CDH13: variants seen among roughly 807,000 people sequenced by gnomAD.
CDH13 encodes the protein cadherin 13.
A neutral mutation model predicts 63.8 loss-of-function variants in CDH13; 24 were observed. That is an observed-to-expected ratio of 0.38 (90% CI 0.27 to 0.53). CDH13 has a LOEUF of 0.53. Ranked by LOEUF, CDH13 falls within the 20% of genes least tolerant of loss-of-function variation. CDH13 has a pLI of 0.85. For synonymous variants in CDH13, 503 were observed against 355.3 expected, an observed-to-expected ratio of 1.42 and a Z score of -4.67; for missense variants, 1,049 against 903.1, an observed-to-expected ratio of 1.16 and a Z score of -2.07.
At chr16:83,487,498 C>T (rs568783319) in intron 7 of CDH13, among the ~76,000 whole-genome samples, 8 of 152,258 alleles carry the variant, frequency 5.3e-5, no homozygotes, top group African/African-American at 1.7e-4. Context: ...GCATGGGCCC[C>T]TCTGGTCCTG....
intron 2 of CDH13, among the ~76,000 whole-genome samples, chr16:82,974,140 C>T (rs573484068): frequency 5.3e-5 from 8 of 152,232 alleles, no homozygotes; most frequent in South Asian, 2.1e-4. Flanking sequence ...GGTTTCAGCA[C>T]GTTGGCCAGG....
At chr16:83,105,806 G>T (rs542965506) in intron 3 of CDH13, among the ~76,000 whole-genome samples, 1 of 152,316 alleles carries the variant, frequency 6.6e-6, no homozygotes, top group African/African-American at 2.4e-5. Context: ...TGTCATGTGT[G>T]TGTATGTCTG....
chr16:82,992,404 T>TA (rs1296615672), intron 2 of CDH13, among the ~76,000 whole-genome samples: 2 of 152,196 alleles, frequency 1.3e-5, no homozygotes, highest in Non-Finnish European at 2.9e-5. Flanking sequence ...TGTGTATATA[T>TA]AAAAAATATC....
intron 7 of CDH13, among the ~76,000 whole-genome samples, chr16:83,575,909 T>C (rs1905056035): frequency 6.6e-6 from 1 of 152,228 alleles, no homozygotes. Flanking sequence ...TAGTACTCTT[T>C]ATTGTATTTT....
At chr16:83,301,808 A>G (rs1432215244) in intron 5 of CDH13, among the ~76,000 whole-genome samples, 2 of 151,906 alleles carry the variant, frequency 1.3e-5, no homozygotes, top group African/African-American at 2.4e-5. Context: ...TTTGGCAGAC[A>G]CAGAGTCACC....
chr16:83,602,082 C>CAAAAAAAAA (rs576973198), intron 7 of CDH13, among the ~76,000 whole-genome samples: 2 of 32,292 alleles, frequency 6.2e-5, no homozygotes, highest in Non-Finnish European at 9.7e-5. Flanking sequence ...GACTCTGTCT[C>CAAAAAAAAA]AAAAAAAAAA....
intron 8 of CDH13, among the ~76,000 whole-genome samples, chr16:83,637,356 A>G (rs1389992374): frequency 2.5e-5 from 2 of 81,176 alleles, no homozygotes; most frequent in Non-Finnish European, 4.6e-5. Context: ...CTGCATTTCC[A>G]TCTGAGGTAC....
chr16:83,518,648 T>C (rs1478282180), intron 7 of CDH13, among the ~76,000 whole-genome samples: 1 of 146,984 alleles, frequency 6.8e-6, no homozygotes, highest in Admixed American at 6.8e-5. Context: ...AATTTTTGTA[T>C]TTTTAGTAGA....
chr16:83,076,962 C>A (rs553696215), intron 3 of CDH13, among the ~76,000 whole-genome samples: 2 of 152,002 alleles, frequency 1.3e-5, no homozygotes, highest in African/African-American at 4.8e-5. Flanking sequence ...GCAACCCAAA[C>A]CCCCATCAAG....
At chr16:82,856,167 C>T (rs2039676432) in intron 1 of CDH13, among the ~76,000 whole-genome samples, 1 of 151,562 alleles carries the variant, frequency 6.6e-6, no homozygotes, top group African/African-American at 2.4e-5. Context: ...ACGAGGTCAG[C>T]AGATCGAGAC....
At position 83,154,898 on chromosome 16, in the gene CDH13, T is replaced by G. The variant is rs566321123; in HGVS notation, c.483+29397T>G. Among the ~76,000 whole-genome samples, 11 of 152,340 alleles carry G rather than the reference T, an allele frequency of 7.2e-5. No homozygotes were observed. The South Asian group carries it at 1.7e-3, about 23-fold the overall frequency. On this transcript the variant is annotated intron_variant, in intron 4 of 13. Transcript: ENST00000567109. ...TCTTTAAAAGCTCTCATATTCAAAG[T>G]GGTTCTTGCAATCTTGAACTACATG...
chr16:82,952,732 C>T (rs1905470421), intron 2 of CDH13, among the ~76,000 whole-genome samples: 1 of 152,196 alleles, frequency 6.6e-6, no homozygotes, highest in South Asian at 2.1e-4. Flanking sequence ...AGCCCACTGG[C>T]CCCTCCAGGT....
chr16:83,083,663 T>C (rs1391866257), intron 3 of CDH13, among the ~76,000 whole-genome samples: 1 of 152,190 alleles, frequency 6.6e-6, no homozygotes, highest in Non-Finnish European at 1.5e-5. Flanking sequence ...GCAGAGAAAC[T>C]CGATAGAACT....
At chr16:82,940,870 G>A (rs79177526) in intron 2 of CDH13, among the ~76,000 whole-genome samples, 11 of 152,196 alleles carry the variant, frequency 7.2e-5, no homozygotes, top group African/African-American at 2.4e-4. Flanking sequence ...AGCTTTATTA[G>A]GGAAACATTT....
intron 4 of CDH13, among the ~76,000 whole-genome samples, chr16:83,210,449 G>C (rs755797638): frequency 7.2e-5 from 11 of 152,118 alleles, no homozygotes; most frequent in Admixed American, 3.9e-4. Context: ...ATTAGGACAG[G>C]AGATGGGATA....
At chr16:83,719,807 A>T (rs1411169656) in intron 10 of CDH13, among the ~76,000 whole-genome samples, 4 of 152,040 alleles carry the variant, frequency 2.6e-5, no homozygotes, top group Non-Finnish European at 5.9e-5. Context: ...ACACACAGCC[A>T]CTATGGAATA....
chr16:82,677,635 G>C (rs1914083661), intron 1 of CDH13, among the ~76,000 whole-genome samples: 1 of 152,092 alleles, frequency 6.6e-6, no homozygotes, highest in African/African-American at 2.4e-5. Context: ...AGAAGTATCA[G>C]AGGCAGGACT....
intron 5 of CDH13, among the ~76,000 whole-genome samples, chr16:83,303,140 C>T (rs538795399): frequency 2.3e-4 from 35 of 152,290 alleles, no homozygotes; most frequent in African/African-American, 8.4e-4. Context: ...AAGAGAATTT[C>T]CTATGTTCTT....
intron 6 of CDH13, among the ~76,000 whole-genome samples, chr16:83,433,929 A>G (rs538624052): frequency 5.9e-5 from 9 of 152,122 alleles, no homozygotes; most frequent in African/African-American, 2.2e-4. Flanking sequence ...GTTGGAAAGT[A>G]TTTCCTTTGC....
Sources: gnomAD v4.1 joint callset for allele counts (sites outside exome capture counted in the v4.1 genomes callset) on GRCh38, gnomAD v4.1.1 for gene constraint, MANE v1.5 for transcripts, NCBI Gene and HGNC (gene_info 2026-07-23, HGNC 2026-07-21) for gene names.